Variants in PNLDC1 observed in about 807,000 individuals in gnomAD.
The protein encoded by PNLDC1 is poly(A)-specific ribonuclease PNLDC1.
A neutral mutation model predicts 82.0 loss-of-function variants in PNLDC1; 70 were observed. The observed-to-expected ratio is 0.85, with a 90% CI of 0.70 to 1.04. The LOEUF (loss-of-function observed/expected upper bound fraction) is 1.04. PNLDC1 is among the 50% of genes least tolerant of loss of function. The pLI, the probability that PNLDC1 is intolerant of heterozygous loss-of-function variation, is 0.00. For synonymous variants in PNLDC1, 280 were observed against 249.3 expected (o/e 1.12, Z -1.16); for missense variants, 631 against 661.1 (o/e 0.95, Z 0.50).
rs186967567 is a variant in PNLDC1 at position 159,819,550 on chromosome 6, A to G, written c.1532+198A>G. On this transcript the variant is annotated intron_variant, in intron 18 of 18. Coordinates refer to ENST00000392167, the MANE Select transcript of PNLDC1 (RefSeq NM_001271862.2). This position sits in a 1 kb window ranked among gnomAD's most constrained non-coding sequence, Gnocchi z 4.6. ...TCGAGCACCTGCTGTGCTGGGCACC[A>G]TCGTAGTTCTAGGGCCTCGTCAGTG... 6.6e-6 allele frequency among the ~76,000 whole-genome samples: 1 copy of G among 152,210 alleles called. No homozygotes were observed. The highest frequency in any genetic ancestry group is 1.5e-5 in the Non-Finnish European group (1 of 68,030).
At chr6:159,805,858 T>C in intron 6 of PNLDC1, 125 bp from the exon 7 acceptor site, 1 of 703,154 alleles carries the variant, frequency 1.4e-6, no homozygotes, top group Non-Finnish European at 2.6e-6. Context: ...CTTCTTTTGG[T>C]ACATTTTCTT....
At chr6:159,811,371 G>T (rs569162998) in intron 10 of PNLDC1, among the ~76,000 whole-genome samples, 19 of 152,190 alleles carry the variant, frequency 1.2e-4, no homozygotes, top group South Asian at 4.2e-4. Context: ...ATTTACAAAT[G>T]ATATCATGTC....
At chr6:159,805,310 C>CTA (rs1318902559) in intron 6 of PNLDC1, among the ~76,000 whole-genome samples, 1 of 152,126 alleles carries the variant, frequency 6.6e-6, no homozygotes, top group African/African-American at 2.4e-5. Context: ...GTGCTATCAG[C>CTA]TAGGTGTGGG....
chr6:159,812,927 G>A (rs2115048441), intron 11 of PNLDC1, among the ~76,000 whole-genome samples: 1 of 152,334 alleles, frequency 6.6e-6, no homozygotes, highest in Non-Finnish European at 1.5e-5. Context: ...GGAGGCGTAA[G>A]TGGGAGGATC....
Position 159,812,816 on chromosome 6 carries a change from A to G in PNLDC1, c.940-785A>G, listed in dbSNP as rs141489551. Among the ~76,000 whole-genome samples, 907 of 152,310 alleles carry G rather than the reference A, an allele frequency of 6.0e-3. 9 individuals carry two copies. The highest frequency in any genetic ancestry group is 0.021 in the African/African-American group (873 of 41,564). Reference sequence around the variant, plus strand: ...GTGGGTGAATGGCTTGAGCCCAGGAATTTGAGACTAGTCTGAGCAACATGG... The same window carrying G: ...GTGGGTGAATGGCTTGAGCCCAGGAGTTTGAGACTAGTCTGAGCAACATGG... On this transcript the variant is annotated intron_variant, in intron 11 of 18. Coordinates refer to ENST00000392167, the MANE Select transcript of PNLDC1 (RefSeq NM_001271862.2).
In PNLDC1 at chr6:159,805,989, G is replaced by A. The variant is rs139847545; in HGVS notation, c.468G>A (p.Pro156=). The change falls in exon 7 of 19, where the codon CCG becomes CCA. Residue 156 remains proline, a synonymous_variant. Coordinates refer to ENST00000392167, the MANE Select transcript of PNLDC1 (RefSeq NM_001271862.2). ...TTCATGCGCCCATTTTCAGCTCTCC[G>A]GATAAAGACCAAATCAAGGTGGTGA... ...LTGNWRVRSS[P]DKDQIKVVID... The A allele has an allele frequency of 1.2e-4, 190 of 1,613,778 alleles. No individual in the cohort carries two copies. Among genetic ancestry groups the A allele is most frequent in the Non-Finnish European group, 1.6e-4 (183 of 1,179,836 alleles).
At chr6:159,804,338 A>C (rs1205592453) in intron 5 of PNLDC1, among the ~76,000 whole-genome samples, 1 of 152,200 alleles carries the variant, frequency 6.6e-6, no homozygotes, top group Non-Finnish European at 1.5e-5. Flanking sequence ...TCCTAGCCTC[A>C]GGCAATCCAC....
intron 7 of PNLDC1, 112 bp from the exon 8 acceptor site, chr6:159,808,628 T>A (rs1316094159): frequency 1.0e-6 from 1 of 990,128 alleles, no homozygotes; most frequent in Non-Finnish European, 1.5e-6. Flanking sequence ...CCCTTCAAGC[T>A]CCCTTTCCAC....
chr6:159,811,643 C>T, intron 10 of PNLDC1, 58 bp from the exon 11 acceptor site: 1 of 1,375,176 alleles, frequency 7.3e-7, no homozygotes, highest in Non-Finnish European at 1.0e-6. Flanking sequence ...AAGAATGTTC[C>T]TTCCCATTTT....
chr6:159,807,685 T>C (rs1781497904), intron 7 of PNLDC1, among the ~76,000 whole-genome samples: 1 of 152,246 alleles, frequency 6.6e-6, no homozygotes, highest in East Asian at 1.9e-4. Context: ...CGCTATCTTA[T>C]CTCATAGATA....
Position 159,809,009 on chromosome 6 carries a change from T to C in PNLDC1, c.640-6T>C, listed in dbSNP as rs1189264563. 6.2e-7 allele frequency: 1 copy of C among 1,611,734 alleles called. No homozygotes were observed. The highest frequency in any genetic ancestry group is 8.5e-7 in the Non-Finnish European group (1 of 1,179,142). On this transcript the variant is annotated splice_region_variant and splice_polypyrimidine_tract_variant and intron_variant, in intron 8 of 18. Coordinates refer to ENST00000392167, the MANE Select transcript of PNLDC1 (RefSeq NM_001271862.2). Reference sequence around the variant, plus strand: ...AGGATTCAGGGAATTTGTCCCTGCTTTTCAGGTGGTAGTGAAGAAAGTGAG... The same window carrying C: ...AGGATTCAGGGAATTTGTCCCTGCTCTTCAGGTGGTAGTGAAGAAAGTGAG...
At chr6:159,803,350 C>T (rs1021247177) in intron 4 of PNLDC1, 40 bp downstream of exon 4, 4 of 1,589,184 alleles carry the variant, frequency 2.5e-6, no homozygotes, top group Non-Finnish European at 3.5e-6. Context: ...GTGCTTCCCA[C>T]CTATGTTCCA....
At chr6:159,805,347 C>G (rs114420112) in intron 6 of PNLDC1, among the ~76,000 whole-genome samples, 1 of 152,120 alleles carries the variant, frequency 6.6e-6, no homozygotes, top group African/African-American at 2.4e-5. Flanking sequence ...AAGCTCTTTG[C>G]CTTTATCAGG....
intron 7 of PNLDC1, 121 bp from the exon 8 acceptor site, chr6:159,808,619 C>A (rs374925860): frequency 4.6e-5 from 41 of 890,972 alleles, no homozygotes; most frequent in East Asian, 2.6e-4. Flanking sequence ...GCTTGGGCAC[C>A]CTTCAAGCTC....
At chr6:159,815,870 C>T in intron 12 of PNLDC1, 99 bp from the exon 13 acceptor site, 1 of 908,610 alleles carries the variant, frequency 1.1e-6, no homozygotes, top group Non-Finnish European at 1.7e-6. Context: ...GTCCTCAGTA[C>T]ATTTAAAAAA....
chr6:159,809,451 A>ATTT (rs71904720), intron 9 of PNLDC1, among the ~76,000 whole-genome samples: 12 of 138,704 alleles, frequency 8.7e-5, no homozygotes, highest in African/African-American at 3.4e-4. Flanking sequence ...TACCTGGCTA[A>ATTT]TTTTTTTTTT....
In PNLDC1 at chr6:159,806,094, C is replaced by T; in HGVS notation, c.562+11C>T. 1 of 1,600,360 alleles carries T rather than the reference C, an allele frequency of 6.2e-7. No individual in the cohort carries two copies. The highest frequency in any genetic ancestry group is 8.6e-7 in the Non-Finnish European group (1 of 1,167,592). ...TTCCTGGGATCACTGGTAGGCAGGG[C>T]CTGTTCCTCCCAACGCAGGAGCATT... is the stretch of plus-strand genomic sequence containing the variant. On this transcript the variant is annotated intron_variant, in intron 7 of 18. Transcript: ENST00000392167.
chr6:159,816,662 C>CAGAA, intron 14 of PNLDC1, 66 bp downstream of exon 14: 1 of 1,371,924 alleles, frequency 7.3e-7, no homozygotes, highest in Non-Finnish European at 1.0e-6. Context: ...GACAGGGTCT[C>CAGAA]ACTCTGTTGC....
intron 9 of PNLDC1, 84 bp from the exon 10 acceptor site, chr6:159,809,940 CTA>C (rs1466578713): frequency 1.7e-6 from 2 of 1,143,098 alleles, no homozygotes; most frequent in Non-Finnish European, 2.6e-6. Flanking sequence ...GGTTCTAACA[CTA>C]TATCTTTTGC....
Sources: gnomAD v4.1 joint callset for allele counts (sites outside exome capture counted in the v4.1 genomes callset) on GRCh38, gnomAD v4.1.1 for gene constraint, Gnocchi (gnomAD v3.1) non-coding constraint, MANE v1.5 for transcripts, NCBI Gene and HGNC (gene_info 2026-07-23, HGNC 2026-07-21) for gene names.